The following DCBLD1 variants were observed in gnomAD, a reference collection of about 807,000 sequenced individuals.
DCBLD1 encodes discoidin, CUB and LCCL domain-containing protein 1.
A neutral mutation model predicts 71.5 loss-of-function variants in DCBLD1; 57 were observed. That is an observed-to-expected ratio of 0.80 (90% CI 0.64 to 0.99). DCBLD1 has a LOEUF of 0.99. Ranked by LOEUF, DCBLD1 falls within the 50% of genes least tolerant of loss-of-function variation. The probability of loss-of-function intolerance (pLI) is 0.00; values close to 1 mark genes in which losing one functional copy is unlikely to be tolerated. For synonymous variants in DCBLD1, 380 were observed against 363.8 expected, an observed-to-expected ratio of 1.04 and a Z score of -0.51; for missense variants, 891 against 923.5, an observed-to-expected ratio of 0.96 and a Z score of 0.46.
chr6:117,551,465 C>T (rs958539178), downstream of DCBLD1, among the ~76,000 whole-genome samples: 7 of 152,120 alleles, frequency 4.6e-5, no homozygotes, highest in South Asian at 2.1e-4. Context: ...CTGCAAACTC[C>T]GCCTCCCAGG....
rs560997907 is a variant in DCBLD1, at chr6:117,531,679, C to G, written c.586-581C>G. ...TAGGAACTTCGTTAAGCTTTCTGTT[C>G]CATTTAATGTTCTGTGGCTGTCATT... On this transcript the variant is annotated intron_variant, in intron 5 of 14. Transcript: ENST00000338728. Among the ~76,000 whole-genome samples the G allele has an allele frequency of 7.2e-5, 11 of 152,270 alleles. No individual in the cohort carries two copies. The South Asian group carries it at 2.3e-3, about 32-fold the overall frequency.
At chr6:117,504,669 C>T (rs1461559127) in intron 2 of DCBLD1, among the ~76,000 whole-genome samples, 3 of 152,172 alleles carry the variant, frequency 2.0e-5, no homozygotes, top group Admixed American at 2.0e-4. Context: ...CCTAAATAGC[C>T]TTTGAAATTT....
At position 117,540,981 on chromosome 6, in the gene DCBLD1, A is replaced by T. The variant is rs768313788; in HGVS notation, c.1313A>T (p.Asp438Val). ...QSTSVSTKKE[D>V]ETITRPIPSE... ...ACCAGTGTTTCAACTAAGAAAGAAG[A>T]TGAGACAATCACAAGGCCCATCCCC... The change falls in exon 11 of 15, where the codon GAT becomes GTT. Residue 438 changes from aspartate (D) to valine (V), a missense_variant. By Grantham distance (152) the Asp-to-Val change is radical (BLOSUM62 -3). Transcript: ENST00000338728. 1.2e-6 allele frequency: 2 copies of T among 1,614,112 alleles called. No individual in the cohort carries two copies. Among genetic ancestry groups the T allele is most frequent in the Non-Finnish European group, 1.7e-6 (2 of 1,180,050 alleles).
At chr6:117,498,905 C>T (rs1018420747) in intron 1 of DCBLD1, among the ~76,000 whole-genome samples, 1 of 152,032 alleles carries the variant, frequency 6.6e-6, no homozygotes, top group African/African-American at 2.4e-5. Context: ...TCTCAATTAT[C>T]TATTTAAAAG....
intron 1 of DCBLD1, among the ~76,000 whole-genome samples, chr6:117,484,588 A>T (rs1777019682): frequency 6.6e-6 from 1 of 152,130 alleles, no homozygotes; most frequent in Non-Finnish European, 1.5e-5. Flanking sequence ...AGCTCAAGTG[A>T]TCCACCCACC....
intron 1 of DCBLD1, among the ~76,000 whole-genome samples, chr6:117,486,804 A>G (rs1777101841): frequency 6.6e-6 from 1 of 152,208 alleles, no homozygotes; most frequent in African/African-American, 2.4e-5. Flanking sequence ...CCTGGGCTGC[A>G]GACTGGTACC....
chr6:117,484,736 CTTTTA>C, intron 1 of DCBLD1, among the ~76,000 whole-genome samples: 1 of 152,210 alleles, frequency 6.6e-6, no homozygotes, highest in East Asian at 1.9e-4. Flanking sequence ...TCGTATTAGA[CTTTTA>C]TTTATTGTGT....
intron 3 of DCBLD1, among the ~76,000 whole-genome samples, chr6:117,520,507 G>A (rs892934645): frequency 3.9e-5 from 6 of 152,124 alleles, no homozygotes; most frequent in South Asian, 2.1e-4. Context: ...CAGGGGCAAC[G>A]CTTTTCACCA....
chr6:117,564,350 T>G (rs1779650621), intron 14 of DCBLD1, among the ~76,000 whole-genome samples: 1 of 152,180 alleles, frequency 6.6e-6, no homozygotes, highest in Non-Finnish European at 1.5e-5. Context: ...TACTGAACTG[T>G]GAATTATATT....
chr6:117,542,293 T>TA (rs369280303), intron 11 of DCBLD1, among the ~76,000 whole-genome samples: 28,712 of 139,868 alleles, frequency 0.21, 3,078 homozygotes, highest in South Asian at 0.27. Flanking sequence ...CTCCATCTCT[T>TA]AAAAAAAAAA....
In DCBLD1 at chr6:117,549,373, C is replaced by A; in HGVS notation, c.*934C>A. The A allele has an allele frequency of 1.0e-6, 1 of 985,390 alleles. No individual in the cohort carries two copies. Among genetic ancestry groups the A allele is most frequent in the Non-Finnish European group, 1.2e-6 (1 of 829,928 alleles). 61.0% of individuals were successfully genotyped at this position (985,390 alleles called of 1,614,324 possible). On this transcript the variant is annotated 3_prime_UTR_variant, in exon 15 of 15. Coordinates refer to ENST00000338728, the MANE Select transcript of DCBLD1 (RefSeq NM_001366458.2). ...TGATTCTGACCAAGTCTAAATCGAGCTTTTCTACTGACATGAAACTGTTGG... is the reference window on the plus strand; with the variant it reads ...TGATTCTGACCAAGTCTAAATCGAGATTTTCTACTGACATGAAACTGTTGG...
At chr6:117,505,266 T>C (rs1777800739) in intron 2 of DCBLD1, among the ~76,000 whole-genome samples, 1 of 152,144 alleles carries the variant, frequency 6.6e-6, no homozygotes, top group East Asian at 1.9e-4. Flanking sequence ...TGGGAACATT[T>C]ATTGTTCCAT....
At chr6:117,562,173 A>G (rs960095392) in intron 14 of DCBLD1, 23 of 207,268 alleles carry the variant, frequency 1.1e-4, no homozygotes, top group African/African-American at 4.6e-4. Context: ...ATAAACCTGC[A>G]TATGAAGAGA....
chr6:117,490,074 T>C (rs368336034), intron 1 of DCBLD1, among the ~76,000 whole-genome samples: 4,646 of 143,380 alleles, frequency 0.032, 85 homozygotes, highest in Non-Finnish European at 0.038. Context: ...GTTTTAGTTC[T>C]ATATATTTTT....
chr6:117,487,933 A>G (rs906788405), intron 1 of DCBLD1, among the ~76,000 whole-genome samples: 10 of 152,180 alleles, frequency 6.6e-5, no homozygotes, highest in African/African-American at 2.2e-4. Flanking sequence ...TTACTGGGTG[A>G]GGGAGACTTA....
chr6:117,493,721 T>C (rs1180162480), intron 1 of DCBLD1, among the ~76,000 whole-genome samples: 1 of 152,174 alleles, frequency 6.6e-6, no homozygotes, highest in African/African-American at 2.4e-5. Context: ...TCCATCGTCT[T>C]TGAGGTCAGA....
At chr6:117,547,003 C>T (rs1297091268) in intron 14 of DCBLD1, among the ~76,000 whole-genome samples, 1 of 152,194 alleles carries the variant, frequency 6.6e-6, no homozygotes, top group African/African-American at 2.4e-5. Flanking sequence ...CCCCACCTCT[C>T]ATTGGTAACA....
chr6:117,528,695 C>T (rs1485377359), intron 5 of DCBLD1, among the ~76,000 whole-genome samples: 1 of 152,180 alleles, frequency 6.6e-6, no homozygotes. Flanking sequence ...TTCAGCTGGC[C>T]ATTGCATTCC....
At chr6:117,487,028 T>C (rs1562424590) in intron 1 of DCBLD1, among the ~76,000 whole-genome samples, 2 of 152,096 alleles carry the variant, frequency 1.3e-5, no homozygotes, top group Non-Finnish European at 2.9e-5. Flanking sequence ...AGCAGTTTCA[T>C]CTAGAAACCA....
Sources: allele counts gnomAD v4.1 joint callset (sites outside exome capture counted in the v4.1 genomes callset), GRCh38; gene constraint gnomAD v4.1.1; transcripts MANE v1.5; gene names NCBI Gene and HGNC (gene_info 2026-07-23, HGNC 2026-07-21).